The following WDFY3 variants were observed in gnomAD, a reference collection of about 807,000 sequenced individuals.
WDFY3 encodes the protein WD repeat and FYVE domain containing 3.
In WDFY3, 66 loss-of-function variants were observed where a neutral mutation model predicts 409.6. That is an observed-to-expected ratio of 0.16 (90% CI 0.13 to 0.20). The LOEUF (loss-of-function observed/expected upper bound fraction) is 0.20, where lower values mean the gene tolerates loss of function less well. WDFY3 is among the 10% of genes least tolerant of loss of function. The probability of loss-of-function intolerance (pLI) is 1.00; values close to 1 mark genes in which losing one functional copy is unlikely to be tolerated. For synonymous variants in WDFY3, 1,521 were observed against 1,537.1 expected, an observed-to-expected ratio of 0.99 and a Z score of 0.25; for missense variants, 3,031 against 4,298.1, an observed-to-expected ratio of 0.71 and a Z score of 8.24.
At chr4:84,715,833 T>C (rs1289110828) in intron 49 of WDFY3, among the ~76,000 whole-genome samples, 2 of 149,622 alleles carry the variant, frequency 1.3e-5, no homozygotes. Flanking sequence ...GAGTCATGAA[T>C]TCCCTGCAGA....
intron 62 of WDFY3, among the ~76,000 whole-genome samples, chr4:84,685,638 TAAG>T (rs1728185922): frequency 6.6e-6 from 1 of 152,150 alleles, no homozygotes; most frequent in South Asian, 2.1e-4. Context: ...GGCAGAGACA[TAAG>T]AAGAATTAAA....
intron 3 of WDFY3, among the ~76,000 whole-genome samples, chr4:84,868,768 C>A (rs571893474): frequency 1.6e-4 from 25 of 152,228 alleles, no homozygotes; most frequent in African/African-American, 6.0e-4. Flanking sequence ...ATCTTGGGAG[C>A]GGAAATTGCA....
chr4:84,926,918 C>T (rs983961639), intron 2 of WDFY3, among the ~76,000 whole-genome samples: 6 of 152,102 alleles, frequency 3.9e-5, no homozygotes, highest in Non-Finnish European at 8.8e-5. Flanking sequence ...TACAGGCATA[C>T]CAAAAGAAAG....
At chr4:84,877,380 C>A (rs1283819489) in intron 3 of WDFY3, among the ~76,000 whole-genome samples, 1 of 152,192 alleles carries the variant, frequency 6.6e-6, no homozygotes, top group Non-Finnish European at 1.5e-5. Flanking sequence ...GTTGCCCAGG[C>A]TGGAGTGCAG....
chr4:84,741,994 A>C (rs1332076738), intron 37 of WDFY3, 73 bp from the exon 38 acceptor site: 2 of 1,402,670 alleles, frequency 1.4e-6, no homozygotes, highest in African/African-American at 2.9e-5. Flanking sequence ...TCAAAAAAAA[A>C]ATCAGGCTAA....
chr4:84,806,426 T>C (rs1751517574), intron 15 of WDFY3, among the ~76,000 whole-genome samples: 1 of 152,266 alleles, frequency 6.6e-6, no homozygotes, highest in Non-Finnish European at 1.5e-5. Context: ...TAGGGCTCAA[T>C]CAACTAGCTA....
intron 44 of WDFY3, among the ~76,000 whole-genome samples, chr4:84,730,117 T>C (rs1286335587): frequency 2.0e-5 from 3 of 152,174 alleles, no homozygotes; most frequent in Non-Finnish European, 4.4e-5. Context: ...TTCACTTCCA[T>C]TGAGTCCCTT....
At position 84,820,197 on chromosome 4, in the gene WDFY3, G is replaced by T. The variant is rs748618021; in HGVS notation, c.1592-11C>A. ...TATTTCTTGAGTCCCCTAAAAAAAG[G>T]TTCAAAGGTCCAAATTACAAAAGTG... is the stretch of plus-strand genomic sequence containing the variant. On this transcript the variant is annotated splice_polypyrimidine_tract_variant and intron_variant, in intron 11 of 67. Coordinates refer to ENST00000295888, the MANE Select transcript of WDFY3 (RefSeq NM_014991.6). 1 of 1,589,352 alleles carries T rather than the reference G, an allele frequency of 6.3e-7. No individual in the cohort carries two copies. Among genetic ancestry groups the T allele is most frequent in the Non-Finnish European group, 8.6e-7 (1 of 1,168,700 alleles).
intron 1 of WDFY3, among the ~76,000 whole-genome samples, chr4:84,951,210 G>A (rs764140542): frequency 1.5e-4 from 23 of 152,088 alleles, no homozygotes; most frequent in African/African-American, 3.1e-4. Flanking sequence ...TCTGTATTTC[G>A]GGCATCCGGG....
In WDFY3 at chr4:84,729,425, G is replaced by A. The variant is rs919223583; in HGVS notation, c.7222-2514C>T. 4.6e-5 allele frequency among the ~76,000 whole-genome samples: 7 copies of A among 151,742 alleles called. No homozygotes were observed. In the East Asian group the frequency reaches 1.3e-3, roughly 29 times the overall value. On this transcript the variant is annotated intron_variant, in intron 44 of 67. Transcript: ENST00000295888. ...TCCCCAAGGAAGGTTACTGTGTGAA[G>A]AGTACAAATCATTTTTATATGAGAA...
At chr4:84,763,181 A>G (rs952823485) in intron 32 of WDFY3, among the ~76,000 whole-genome samples, 1 of 152,190 alleles carries the variant, frequency 6.6e-6, no homozygotes, top group Admixed American at 6.5e-5. Flanking sequence ...CAGCTACATG[A>G]AAGATTTTTA....
At chr4:84,871,636 T>C (rs1762145286) in intron 3 of WDFY3, among the ~76,000 whole-genome samples, 1 of 152,048 alleles carries the variant, frequency 6.6e-6, no homozygotes, top group Admixed American at 6.6e-5. Flanking sequence ...ATCCTTTTTT[T>C]TTTCTTTTTT....
chr4:84,940,467 TA>T (rs1312775913), intron 1 of WDFY3, among the ~76,000 whole-genome samples: 1 of 152,196 alleles, frequency 6.6e-6, no homozygotes, highest in Admixed American at 6.5e-5. Flanking sequence ...CTATATTTTT[TA>T]AAAAAAGGTT....
chr4:84,754,420 T>G lies in WDFY3; in HGVS notation c.5560-544A>C, dbSNP rs111462556. On this transcript the variant is annotated intron_variant, in intron 34 of 67. Coordinates refer to ENST00000295888, the MANE Select transcript of WDFY3 (RefSeq NM_014991.6). ...TTTCTTATGTCTTTATAGTTGTTTATGAATAGGCACCAAAACGAGACTCCT... is the reference window on the plus strand; with the variant it reads ...TTTCTTATGTCTTTATAGTTGTTTAGGAATAGGCACCAAAACGAGACTCCT... 4.2e-3 allele frequency among the ~76,000 whole-genome samples: 646 copies of G among 152,324 alleles called. 2 individuals carry two copies. Among genetic ancestry groups the G allele is most frequent in the African/African-American group, 0.014 (562 of 41,566 alleles).
chr4:84,741,472 G>A (rs563844166), intron 38 of WDFY3, among the ~76,000 whole-genome samples: 1 of 152,024 alleles, frequency 6.6e-6, no homozygotes, highest in East Asian at 1.9e-4. Context: ...GCACCAACAT[G>A]CCTGGCTAAT....
chr4:84,858,917 A>T (rs1325261298), intron 4 of WDFY3, among the ~76,000 whole-genome samples: 1 of 151,866 alleles, frequency 6.6e-6, no homozygotes, highest in Non-Finnish European at 1.5e-5. Flanking sequence ...CAAAGAGAGA[A>T]ATGGGAGGAC....
At chr4:84,724,672 G>T in intron 45 of WDFY3, 78 bp from the exon 46 acceptor site, 1 of 1,488,166 alleles carries the variant, frequency 6.7e-7, no homozygotes, top group Non-Finnish European at 9.0e-7. Flanking sequence ...GGAAGGTATG[G>T]TGTCAAGGTG....
chr4:84,699,130 T>C (rs777130847), intron 56 of WDFY3, among the ~76,000 whole-genome samples: 2 of 151,860 alleles, frequency 1.3e-5, no homozygotes, highest in Non-Finnish European at 2.9e-5. Context: ...TCAGACACAA[T>C]GTTACGCAAC....
chr4:84,849,852 C>A, intron 5 of WDFY3, 50 bp downstream of exon 5: 1 of 1,599,608 alleles, frequency 6.3e-7, no homozygotes, highest in Non-Finnish European at 8.5e-7. Context: ...TTTTACAGAA[C>A]TGCTTGTTCA....
Sources: gnomAD v4.1 joint callset for allele counts (sites outside exome capture counted in the v4.1 genomes callset) on GRCh38, gnomAD v4.1.1 for gene constraint, MANE v1.5 for transcripts, NCBI Gene and HGNC (gene_info 2026-07-23, HGNC 2026-07-21) for gene names.